Variants in SYNE2 observed in about 807,000 individuals in gnomAD.
SYNE2 encodes the protein spectrin repeat containing nuclear envelope protein 2.
SYNE2 carries 431 observed loss-of-function variants against 856.3 expected under a neutral mutation model. The ratio of observed to expected loss-of-function variants is 0.50; its 90% CI spans 0.47 to 0.55. The LOEUF (loss-of-function observed/expected upper bound fraction) is 0.55, where lower values mean the gene tolerates loss of function less well. SYNE2 is among the 20% of genes least tolerant of loss of function. The pLI is 0.00. For missense variants in SYNE2, 8,129 were observed against 8,023.2 expected, an observed-to-expected ratio of 1.01 and a Z score of -0.50; for synonymous variants, 2,923 against 2,872.3, an observed-to-expected ratio of 1.02 and a Z score of -0.56.
chr14:63,857,752 T>G (rs1892231725), intron 1 of SYNE2, among the ~76,000 whole-genome samples: 1 of 152,200 alleles, frequency 6.6e-6, no homozygotes, highest in Non-Finnish European at 1.5e-5. Context: ...TACCATCCAT[T>G]TATCTTCTTT....
intron 59 of SYNE2, among the ~76,000 whole-genome samples, chr14:64,090,493 C>T (rs775429632): frequency 6.6e-6 from 1 of 152,136 alleles, no homozygotes; most frequent in African/African-American, 2.4e-5. Flanking sequence ...GCCTACTATA[C>T]GGGAAGTCCT....
chr14:63,937,562 TGAGTTTAATGATGAGGGAG>T (rs1298694092), intron 2 of SYNE2, among the ~76,000 whole-genome samples: 1 of 152,120 alleles, frequency 6.6e-6, no homozygotes, highest in Non-Finnish European at 1.5e-5. Flanking sequence ...AGGTTTCAGC[TGAGTTTAATGATGAGGGAG>T]GAGGTATTGG....
At chr14:64,175,620 T>G (rs549669198) in intron 95 of SYNE2, among the ~76,000 whole-genome samples, 1 of 152,350 alleles carries the variant, frequency 6.6e-6, no homozygotes, top group East Asian at 1.9e-4. Flanking sequence ...TGAATTACTT[T>G]GAACCTGTGG....
intron 1 of SYNE2, among the ~76,000 whole-genome samples, chr14:63,804,467 G>GTTTTC (rs544908613): frequency 5.5e-4 from 84 of 151,940 alleles, no homozygotes; most frequent in East Asian, 3.1e-3. Context: ...TATTTCCTAG[G>GTTTTC]TTTTCTTTTC....
At position 63,954,930 on chromosome 14, in the gene SYNE2, T is replaced by G. The variant is rs374295389; in HGVS notation, c.787+15T>G. 1.1e-4 allele frequency: 168 copies of G among 1,599,704 alleles called. No individual in the cohort carries two copies. Among genetic ancestry groups the G allele is most frequent in the Middle Eastern group, 3.3e-4 (2 of 6,056 alleles). Reference sequence around the variant, plus strand: ...GGAACCAGAAGGTAAAGAAGCTTCTTTGTTTTTAAAACAATCTTTAAGGCT... The same window carrying G: ...GGAACCAGAAGGTAAAGAAGCTTCTGTGTTTTTAAAACAATCTTTAAGGCT... On this transcript the variant is annotated intron_variant, in intron 8 of 115. Coordinates refer to ENST00000555002, the MANE Select transcript of SYNE2 (RefSeq NM_182914.3).
At chr14:63,865,809 T>A (rs1274446888) in intron 1 of SYNE2, among the ~76,000 whole-genome samples, 1 of 150,736 alleles carries the variant, frequency 6.6e-6, no homozygotes, top group Non-Finnish European at 1.5e-5. Flanking sequence ...ACCTTGTTTT[T>A]ACAAATCAAA....
intron 1 of SYNE2, among the ~76,000 whole-genome samples, chr14:63,788,693 A>G (rs114540020): frequency 0.022 from 3,388 of 152,350 alleles, 46 homozygotes; most frequent in Middle Eastern, 0.034. Flanking sequence ...TCCACGGAGC[A>G]TGCAGCCCCA....
chr14:64,212,617 G>A (rs1036505014), intron 104 of SYNE2, among the ~76,000 whole-genome samples, 194 bp from the exon 105 acceptor site: 2 of 152,316 alleles, frequency 1.3e-5, no homozygotes, highest in South Asian at 2.1e-4. Flanking sequence ...TGCCCGTGAG[G>A]GGGAATATAG....
At chr14:64,124,223 C>G (rs1029872460) in intron 70 of SYNE2, among the ~76,000 whole-genome samples, 4 of 151,852 alleles carry the variant, frequency 2.6e-5, no homozygotes, top group African/African-American at 7.3e-5. Flanking sequence ...GAGACGGGTT[C>G]TCGCTGTTAC....
chr14:63,805,699 G>A (rs1382589854), intron 1 of SYNE2, among the ~76,000 whole-genome samples: 2 of 152,266 alleles, frequency 1.3e-5, no homozygotes, highest in African/African-American at 2.4e-5. Flanking sequence ...TTCACTGCCC[G>A]GTTAGCTGAA....
chr14:64,190,032 G>T (rs771851749), intron 98 of SYNE2, 39 bp from the exon 99 acceptor site: 3 of 1,611,518 alleles, frequency 1.9e-6, no homozygotes, highest in Non-Finnish European at 8.5e-7. Context: ...ATGAGTTTGG[G>T]CTAATTAGCC....
intron 57 of SYNE2, among the ~76,000 whole-genome samples, chr14:64,086,407 C>T (rs1439625844): frequency 6.6e-6 from 1 of 152,170 alleles, no homozygotes; most frequent in African/African-American, 2.4e-5. Flanking sequence ...TATAGCTTTA[C>T]AGTAAGTCTT....
chr14:64,204,394 G>C (rs1344589059), intron 100 of SYNE2: 1 of 152,216 alleles, frequency 6.6e-6, no homozygotes, highest in Non-Finnish European at 1.5e-5. Context: ...TGAGTGGTGA[G>C]TTTTTTCAGG....
intron 1 of SYNE2, among the ~76,000 whole-genome samples, chr14:63,844,555 G>C (rs1004784514): frequency 6.6e-6 from 1 of 152,142 alleles, no homozygotes; most frequent in Non-Finnish European, 1.5e-5. Flanking sequence ...ATTACATAAA[G>C]TATTTTTAAA....
intron 60 of SYNE2, 34 bp from the exon 61 acceptor site, chr14:64,093,315 A>T (rs1440106117): frequency 6.2e-7 from 1 of 1,612,396 alleles, no homozygotes; most frequent in Non-Finnish European, 8.5e-7. Flanking sequence ...TTAGATTATG[A>T]CAAAGATTCT....
chr14:63,841,138 T>C (rs934519348), intron 1 of SYNE2, among the ~76,000 whole-genome samples: 2 of 152,074 alleles, frequency 1.3e-5, no homozygotes, highest in African/African-American at 4.8e-5. Context: ...GGGCCCCAAG[T>C]GGCTGTGCTC....
chr14:64,211,106 TG>T (rs2098638700), intron 103 of SYNE2, among the ~76,000 whole-genome samples: 1 of 152,130 alleles, frequency 6.6e-6, no homozygotes, highest in Admixed American at 6.5e-5. Context: ...CTCAGCCTCC[TG>T]AGTAACTAGG....
rs2097930369 is a variant in SYNE2, at chr14:64,125,169, C to T, written c.13513C>T (p.Leu4505Phe). 1.9e-6 allele frequency: 3 copies of T among 1,614,184 alleles called. No individual in the cohort carries two copies. Among genetic ancestry groups the T allele is most frequent in the Non-Finnish European group, 1.7e-6 (2 of 1,180,034 alleles). The part of the protein sequence containing the change: ...TEELKTYTTQ[L>F]EDLRQEASNL... The stretch of plus-strand genomic sequence containing the variant: ...AGAACTGAAAACCTATACCACCCAA[C>T]TTGAAGACCTGCGCCAAGAAGCAAG... Residue 4505 changes from leucine (L) to phenylalanine (F), a missense_variant, in exon 71 of 116, where the codon CTT (leucine) becomes TTT (phenylalanine). Physicochemically the swap from Leu to Phe is conservative, Grantham distance 22. This residue lies in a region of SYNE2 where 5,410 missense variants were observed against 5,284.8 expected (regional missense o/e 1.02). Coordinates refer to ENST00000555002, the MANE Select transcript of SYNE2 (RefSeq NM_182914.3).
intron 1 of SYNE2, among the ~76,000 whole-genome samples, chr14:63,772,705 T>G (rs543645068): frequency 6.6e-6 from 1 of 151,782 alleles, no homozygotes; most frequent in Non-Finnish European, 1.5e-5. Context: ...ACCATTCCAC[T>G]GTACTCTAGC....
Sources: allele counts gnomAD v4.1 joint callset (sites outside exome capture counted in the v4.1 genomes callset), GRCh38; gene constraint gnomAD v4.1.1; regional missense constraint gnomAD v4.1.1; transcripts MANE v1.5; gene names NCBI Gene and HGNC (gene_info 2026-07-23, HGNC 2026-07-21).